The following MCTP1 variants were observed in gnomAD, a reference collection of about 807,000 sequenced individuals.
MCTP1 encodes the protein multiple C2 and transmembrane domain containing 1.
A neutral mutation model predicts 120.6 loss-of-function variants in MCTP1; 69 were observed. The ratio of observed to expected loss-of-function variants is 0.57; its 90% CI spans 0.47 to 0.70. The LOEUF (loss-of-function observed/expected upper bound fraction) is 0.70. MCTP1 is among the 30% of genes least tolerant of loss of function. The pLI is 0.00. For missense variants in MCTP1, 1,203 were observed against 1,248.8 expected (o/e 0.96, Z 0.55); for synonymous variants, 529 against 493.1 (o/e 1.07, Z -0.96).
rs572394891 is a variant in MCTP1 at position 94,773,935 on chromosome 5, G to A, written c.2610+5175C>T. Among the ~76,000 whole-genome samples, 5 of 39,290 alleles carry A rather than the reference G, an allele frequency of 1.3e-4. 2 individuals are homozygous for A. Among genetic ancestry groups the A allele is most frequent in the East Asian group, 1.5e-3 (1 of 660 alleles). 25.8% of individuals were successfully genotyped at this position (39,290 alleles called of 152,430 possible). A position where few individuals can be genotyped will look rare whatever the true frequency, so the allele number is the denominator to read the frequency against. On this transcript the variant is annotated intron_variant, in intron 19 of 22. Transcript: ENST00000515393. ...TCATATTAGATGAAATAGGCCGGGC[G>A]CGGTGGCTCACGCCTGTAATCCCAG...
intron 1 of MCTP1, among the ~76,000 whole-genome samples, chr5:95,181,202 A>T (rs569682273): frequency 2.0e-5 from 3 of 152,358 alleles, no homozygotes; most frequent in Admixed American, 6.5e-5. Flanking sequence ...GCAGCTTCTC[A>T]TCACACAAAG....
At chr5:94,865,899 T>C (rs1796713110) in intron 17 of MCTP1, among the ~76,000 whole-genome samples, 1 of 151,970 alleles carries the variant, frequency 6.6e-6, no homozygotes, top group Admixed American at 6.6e-5. Context: ...CGCTAATGCA[T>C]GTAAAACAGT....
At chr5:95,157,506 T>C (rs1745256970) in intron 1 of MCTP1, among the ~76,000 whole-genome samples, 3 of 152,158 alleles carry the variant, frequency 2.0e-5, no homozygotes. Flanking sequence ...TATAGAAAAC[T>C]AGGAAACAGA....
chr5:94,907,160 C>T (rs368275265), intron 10 of MCTP1, among the ~76,000 whole-genome samples: 1 of 152,254 alleles, frequency 6.6e-6, no homozygotes, highest in South Asian at 2.1e-4. Context: ...CGGCAAGATG[C>T]TTTTAAAGAG....
chr5:94,928,975 T>C (rs1354859998), intron 6 of MCTP1, among the ~76,000 whole-genome samples: 2 of 152,068 alleles, frequency 1.3e-5, no homozygotes, highest in Non-Finnish European at 2.9e-5. Flanking sequence ...AGATTTCCAT[T>C]GAAAGAGCCT....
intron 1 of MCTP1, among the ~76,000 whole-genome samples, chr5:95,033,631 G>T (rs994605540): frequency 2.0e-5 from 3 of 151,912 alleles, no homozygotes; most frequent in Non-Finnish European, 4.4e-5. Context: ...ACACTGAATG[G>T]GCACAGTTAG....
At chr5:94,735,904 T>C (rs1291755731) in intron 19 of MCTP1, among the ~76,000 whole-genome samples, 2 of 152,196 alleles carry the variant, frequency 1.3e-5, no homozygotes, top group Admixed American at 6.5e-5. Flanking sequence ...GTCAACACAG[T>C]AGTAGAGAAA....
rs34336594 is a variant in MCTP1, at chr5:95,222,111, C to T, written c.720+61745G>A. Among the ~76,000 whole-genome samples, 1,477 of 152,308 alleles carry T rather than the reference C, an allele frequency of 9.7e-3. 10 individuals are homozygous for T. The highest frequency in any genetic ancestry group is 0.024 in the Middle Eastern group (7 of 294). ...AAGACTGGAGGTAATCAGCCCAGGT[C>T]TGGGATGGCACCCCATGAGGTCAGG... On this transcript the variant is annotated intron_variant, in intron 1 of 22. Transcript: ENST00000515393.
intron 1 of MCTP1, among the ~76,000 whole-genome samples, chr5:95,022,521 T>C (rs1838399164): frequency 6.6e-6 from 1 of 152,192 alleles, no homozygotes; most frequent in Admixed American, 6.5e-5. Context: ...TTTAAAATCA[T>C]GGAATAGAGT....
chr5:94,881,221 G>A (rs1330953017), intron 12 of MCTP1, among the ~76,000 whole-genome samples: 1 of 152,044 alleles, frequency 6.6e-6, no homozygotes, highest in East Asian at 1.9e-4. Context: ...TGTATCAGTT[G>A]TCACAGTGTC....
chr5:95,116,654 C>T (rs1490746422), intron 1 of MCTP1, among the ~76,000 whole-genome samples: 1 of 151,566 alleles, frequency 6.6e-6, no homozygotes, highest in Non-Finnish European at 1.5e-5. Flanking sequence ...GATATTGATT[C>T]TTCCTATCCA....
intron 1 of MCTP1, 23 bp downstream of exon 1, chr5:95,283,833 C>G: frequency 1.7e-6 from 2 of 1,188,546 alleles, no homozygotes; most frequent in Middle Eastern, 2.9e-4. Context: ...CACCTTGTCT[C>G]CGGCCGCGCC....
chr5:94,921,343 A>G (rs916277600), intron 7 of MCTP1, among the ~76,000 whole-genome samples: 4 of 152,202 alleles, frequency 2.6e-5, no homozygotes, highest in Non-Finnish European at 5.9e-5. Flanking sequence ...TTCCAGGAAA[A>G]TTAAGATACA....
chr5:95,058,149 G>A (rs979712169), intron 1 of MCTP1, among the ~76,000 whole-genome samples: 5 of 152,188 alleles, frequency 3.3e-5, no homozygotes, highest in East Asian at 1.9e-4. Flanking sequence ...GCTTCGGCTC[G>A]TTGCTCTTAG....
At chr5:95,121,936 C>CAAAAA (rs70978167) in intron 1 of MCTP1, among the ~76,000 whole-genome samples, 4 of 112,746 alleles carry the variant, frequency 3.5e-5, no homozygotes, top group African/African-American at 1.1e-4. Flanking sequence ...TATCCATATG[C>CAAAAA]AAAAAAAAAA....
chr5:95,203,663 G>A (rs1026948433), intron 1 of MCTP1, among the ~76,000 whole-genome samples: 5 of 152,194 alleles, frequency 3.3e-5, no homozygotes, highest in Admixed American at 2.6e-4. Flanking sequence ...GTAAGTACAT[G>A]AGTGAGTGAA....
chr5:94,910,226 ATATGTATG>A (rs926754911), intron 9 of MCTP1, among the ~76,000 whole-genome samples: 20 of 151,320 alleles, frequency 1.3e-4, no homozygotes, highest in South Asian at 2.1e-4. Context: ...GTGTATACAT[ATATGTATG>A]TATGTATATA....
chr5:95,075,010 T>C (rs1197532053), intron 1 of MCTP1, among the ~76,000 whole-genome samples: 2 of 152,234 alleles, frequency 1.3e-5, no homozygotes, highest in African/African-American at 4.8e-5. Context: ...AATTTGCCTG[T>C]GGCAGAATAT....
intron 1 of MCTP1, among the ~76,000 whole-genome samples, chr5:95,093,491 G>A (rs1285135934): frequency 6.6e-6 from 1 of 152,080 alleles, no homozygotes; most frequent in East Asian, 1.9e-4. Flanking sequence ...CAGTTCCTCA[G>A]ATTAAGGAGC....
Sources: allele counts gnomAD v4.1 joint callset (sites outside exome capture counted in the v4.1 genomes callset), GRCh38; gene constraint gnomAD v4.1.1; transcripts MANE v1.5; gene names NCBI Gene and HGNC (gene_info 2026-07-23, HGNC 2026-07-21).